Variants in EPHB1 observed in about 807,000 individuals in gnomAD.
The protein encoded by EPHB1 is ephrin type-B receptor 1.
EPHB1 carries 30 observed loss-of-function variants against 94.4 expected under a neutral mutation model. The observed-to-expected ratio is 0.32, with a 90% CI of 0.24 to 0.43. EPHB1 has a LOEUF of 0.43. Among genes scored for constraint, EPHB1 ranks in the 20% least tolerant of loss-of-function variants. The pLI is 1.00. For synonymous variants in EPHB1, 522 were observed against 489.1 expected (o/e 1.07, Z -0.89); for missense variants, 1,055 against 1,308.3 (o/e 0.81, Z 2.99).
At position 134,920,342 on chromosome 3, in the gene EPHB1, C is replaced by T. The variant is rs73224330; in HGVS notation, c.59-5474C>T. 6.9e-3 allele frequency among the ~76,000 whole-genome samples: 1,048 copies of T among 152,278 alleles called. 6 individuals carry two copies. Among genetic ancestry groups the T allele is most frequent in the Middle Eastern group, 0.014 (4 of 294 alleles). Reference sequence around the variant, plus strand: ...GTGCAGTGGGACCAACTCTCGGCTGCTTGCATTTACGTAATAGCAGCTTTG... The same window carrying T: ...GTGCAGTGGGACCAACTCTCGGCTGTTTGCATTTACGTAATAGCAGCTTTG... On this transcript the variant is annotated intron_variant, in intron 1 of 15. Transcript: ENST00000398015.
chr3:134,890,298 C>T (rs1439424094), intron 1 of EPHB1, among the ~76,000 whole-genome samples: 1 of 152,228 alleles, frequency 6.6e-6, no homozygotes, highest in African/African-American at 2.4e-5. Context: ...ATCATGTCCC[C>T]TTTCTTCTCC....
chr3:135,015,577 T>C (rs1483672510), intron 3 of EPHB1, among the ~76,000 whole-genome samples: 1 of 152,138 alleles, frequency 6.6e-6, no homozygotes, highest in African/African-American at 2.4e-5. Flanking sequence ...GGCATCTAGG[T>C]CTCTGGGAGC....
At chr3:134,868,821 C>A (rs956882861) in intron 1 of EPHB1, among the ~76,000 whole-genome samples, 51 of 152,228 alleles carry the variant, frequency 3.4e-4, no homozygotes, top group African/African-American at 1.2e-3. Flanking sequence ...TTGCACAAGG[C>A]ACAATAGGGA....
intron 3 of EPHB1, among the ~76,000 whole-genome samples, chr3:135,035,896 C>T (rs1013921773): frequency 4.3e-5 from 6 of 138,694 alleles, no homozygotes; most frequent in African/African-American, 1.2e-4. Context: ...GGGTAGTTGG[C>T]TCATGGGATT....
At chr3:134,937,243 T>A (rs1204961992) in intron 2 of EPHB1, among the ~76,000 whole-genome samples, 1 of 152,220 alleles carries the variant, frequency 6.6e-6, no homozygotes, top group Non-Finnish European at 1.5e-5. Flanking sequence ...AGGACCAAGC[T>A]CCAGCATCCA....
intron 6 of EPHB1, among the ~76,000 whole-genome samples, chr3:135,160,925 C>T (rs936348599): frequency 6.6e-6 from 1 of 152,058 alleles, no homozygotes; most frequent in African/African-American, 2.4e-5. Flanking sequence ...GATGTGGTCC[C>T]CGGATTTAGG....
intron 11 of EPHB1, among the ~76,000 whole-genome samples, chr3:135,193,784 A>G (rs953257451): frequency 1.6e-4 from 25 of 152,260 alleles, no homozygotes; most frequent in African/African-American, 6.0e-4. Context: ...CTGTGCCTAT[A>G]GAGATAAAGG....
At chr3:134,911,007 T>A (rs36212) in intron 1 of EPHB1, among the ~76,000 whole-genome samples, 65,342 of 152,134 alleles carry the variant, frequency 0.43, 16,194 homozygotes, top group African/African-American at 0.66. Context: ...TGAGACCTGC[T>A]CTGAATGGTG....
intron 3 of EPHB1, among the ~76,000 whole-genome samples, chr3:135,048,917 T>G (rs1937088252): frequency 6.6e-6 from 1 of 152,218 alleles, no homozygotes; most frequent in South Asian, 2.1e-4. Flanking sequence ...AAGCACACAT[T>G]GCTGGTGTGT....
At chr3:135,052,784 C>T (rs528730437) in intron 3 of EPHB1, among the ~76,000 whole-genome samples, 2,224 of 132,328 alleles carry the variant, frequency 0.017, 32 homozygotes, top group Middle Eastern at 0.086. Context: ...TGGCGTGAAC[C>T]CGGGAGGCGG....
At chr3:135,017,892 T>C (rs1449629205) in intron 3 of EPHB1, among the ~76,000 whole-genome samples, 2 of 152,148 alleles carry the variant, frequency 1.3e-5, no homozygotes, top group African/African-American at 2.4e-5. Flanking sequence ...GTTGAATTAA[T>C]GAAGGGGCCC....
intron 5 of EPHB1, among the ~76,000 whole-genome samples, chr3:135,142,187 A>C (rs773285761): frequency 6.6e-6 from 1 of 152,212 alleles, no homozygotes; most frequent in Non-Finnish European, 1.5e-5. Flanking sequence ...ATTGGGGTTG[A>C]AAGTTTGAGG....
intron 3 of EPHB1, among the ~76,000 whole-genome samples, chr3:135,074,195 C>T (rs1019387373): frequency 6.6e-6 from 1 of 152,172 alleles, no homozygotes; most frequent in Non-Finnish European, 1.5e-5. Context: ...ATGCTTGATT[C>T]TCTGTCTTGA....
intron 5 of EPHB1, among the ~76,000 whole-genome samples, chr3:135,151,433 C>T (rs541712207): frequency 5.1e-4 from 77 of 152,276 alleles, no homozygotes; most frequent in African/African-American, 1.8e-3. Context: ...CCTGCATCTG[C>T]TTCTCAGGCA....
At chr3:134,976,237 G>T (rs1934188746) in intron 3 of EPHB1, among the ~76,000 whole-genome samples, 1 of 152,206 alleles carries the variant, frequency 6.6e-6, no homozygotes, top group South Asian at 2.1e-4. Flanking sequence ...AGGCACAGAT[G>T]TCATCTGAGA....
chr3:134,969,140 G>A (rs1374602528), intron 3 of EPHB1, among the ~76,000 whole-genome samples: 1 of 152,188 alleles, frequency 6.6e-6, no homozygotes, highest in African/African-American at 2.4e-5. Context: ...ATCAGTGTGA[G>A]TTTCAGTTGT....
At chr3:135,136,524 A>G (rs1261009745) in intron 5 of EPHB1, among the ~76,000 whole-genome samples, 1 of 152,210 alleles carries the variant, frequency 6.6e-6, no homozygotes, top group Non-Finnish European at 1.5e-5. Flanking sequence ...GGTGGGTCAG[A>G]TGAAGAAACT....
chr3:135,154,219 A>G lies in EPHB1; in HGVS notation c.1365A>G (p.Pro455=), dbSNP rs1213623340. The G allele has an allele frequency of 1.2e-6, 2 of 1,614,010 alleles. No homozygotes were observed. Among genetic ancestry groups the G allele is most frequent in the Non-Finnish European group, 8.5e-7 (1 of 1,179,872 alleles). ...ATMRSITLSW[P]QPEQPNGIIL... is the part of the protein sequence containing the mutation. ...TGAGGAGCATCACCTTGTCATGGCC[A>G]CAGCCGGAGCAGCCCAATGGCATCA... is the stretch of plus-strand genomic sequence containing the variant. The change falls in exon 6 of 16, where the codon CCA becomes CCG. Residue 455 remains proline (P), a synonymous_variant. Transcript: ENST00000398015.
chr3:134,834,800 A>G (rs186897667), intron 1 of EPHB1, among the ~76,000 whole-genome samples: 71 of 152,338 alleles, frequency 4.7e-4, no homozygotes, highest in Non-Finnish European at 8.7e-4. Flanking sequence ...TGATTAATAG[A>G]CATAATCTCC....
Sources: gnomAD v4.1 joint callset for allele counts (sites outside exome capture counted in the v4.1 genomes callset) on GRCh38, gnomAD v4.1.1 for gene constraint, MANE v1.5 for transcripts, NCBI Gene and HGNC (gene_info 2026-07-23, HGNC 2026-07-21) for gene names.